RFX1: variants seen among roughly 807,000 people sequenced by gnomAD.
RFX1 encodes the protein regulatory factor X1, also known as MHC class II regulatory factor RFX1.
A neutral mutation model predicts 119.6 loss-of-function variants in RFX1; 42 were observed. That is an observed-to-expected ratio of 0.35 (90% confidence interval 0.27 to 0.45). RFX1 has a LOEUF of 0.45. Among genes scored for constraint, RFX1 ranks in the 20% least tolerant of loss-of-function variants. RFX1 has a pLI of 1.00. For synonymous variants in RFX1, 628 were observed against 618.5 expected, an observed-to-expected ratio of 1.02 and a Z score of -0.23; for missense variants, 1,118 against 1,368.1, an observed-to-expected ratio of 0.82 and a Z score of 2.88.
chr19:13,963,419 G>A (rs1973782529), intron 18 of RFX1, 119 bp downstream of exon 18: 11 of 1,428,164 alleles, frequency 7.7e-6, no homozygotes, highest in Admixed American at 2.1e-5. Flanking sequence ...CATGAGCCCA[G>A]GGCCCCAGCC....
Position 13,990,258 on chromosome 19 carries a change from A to G in RFX1, c.319+3267T>C, listed in dbSNP as rs1974755996. ...GAGATGGGGAGAAGCAGCAGAGAGG[A>G]CCACGGAGGGGCTGCGGGCGGTGGG... On this transcript the variant is annotated intron_variant, in intron 2 of 20. Coordinates refer to ENST00000254325, the MANE Select transcript of RFX1 (RefSeq NM_002918.5). The surrounding 1 kb of genome is among the most constrained non-coding windows in gnomAD (Gnocchi z 4.1). 6.6e-6 allele frequency among the ~76,000 whole-genome samples: 1 copy of G among 152,024 alleles called. No individual in the cohort carries two copies.
At chr19:13,978,617 G>A (rs1974329096) in intron 7 of RFX1, among the ~76,000 whole-genome samples, 1 of 152,320 alleles carries the variant, frequency 6.6e-6, no homozygotes, top group Non-Finnish European at 1.5e-5. Context: ...TGGGGAGTCA[G>A]AGGCGGGTCC....
At chr19:13,989,891 T>C (rs1599507875) in intron 2 of RFX1, among the ~76,000 whole-genome samples, 1 of 150,918 alleles carries the variant, frequency 6.6e-6, no homozygotes, top group Non-Finnish European at 1.5e-5. Context: ...GTTTAGGAGG[T>C]GGAGCCGAGA....
At chr19:14,005,370 G>C (rs926184973) in intron 1 of RFX1, among the ~76,000 whole-genome samples, 1 of 152,218 alleles carries the variant, frequency 6.6e-6, no homozygotes, top group Non-Finnish European at 1.5e-5. Flanking sequence ...GAAGGTGGCA[G>C]GTTTAGGAGT....
upstream of RFX1, chr19:14,006,655 T>G (rs967416699): frequency 6.6e-6 from 1 of 152,276 alleles, no homozygotes; most frequent in Non-Finnish European, 1.5e-5. Context: ...ACCAAAGGTT[T>G]GCCGCGCTCT....
At chr19:14,003,372 A>ACTGGATCCCTGGTATCCAGCTTC (rs369032598) in intron 1 of RFX1, among the ~76,000 whole-genome samples, 24,258 of 150,626 alleles carry the variant, frequency 0.16, 3,461 homozygotes, top group African/African-American at 0.38. Context: ...CCCACTACAA[A>ACTGGATCCCTGGTATCCAGCTTC]CTGGATCCCT....
intron 3 of RFX1, 89 bp downstream of exon 3, chr19:13,983,397 C>T (rs968652686): frequency 7.3e-6 from 9 of 1,241,230 alleles, no homozygotes; most frequent in Middle Eastern, 2.0e-4. Flanking sequence ...CAGCAGGAAG[C>T]GGGGAGGGGA....
At chr19:13,984,238 G>A (rs1213373136) in intron 2 of RFX1, among the ~76,000 whole-genome samples, 4 of 32,492 alleles carry the variant, frequency 1.2e-4, no homozygotes, top group South Asian at 8.1e-4. Context: ...CCCCCACCCC[G>A]TCCGCCTGTC....
rs1973711754 is a variant in RFX1, at chr19:13,962,339, C to G, written c.*356G>C. ...AGCTGAATAAGTTAACAGTTTCGCA[C>G]GGGAGGGGGCCTGCCTGCCTGCCCC... is the stretch of plus-strand genomic sequence containing the variant. On this transcript the variant is annotated 3_prime_UTR_variant, in exon 21 of 21. Coordinates refer to ENST00000254325, the MANE Select transcript of RFX1 (RefSeq NM_002918.5). 1 of 297,440 alleles carries G rather than the reference C, an allele frequency of 3.4e-6. No individual in the cohort carries two copies. The highest frequency in any genetic ancestry group is 6.2e-6 in the Non-Finnish European group (1 of 162,352). The allele number at this position is 297,440 out of a possible 1,614,324, so 18.4% of individuals were successfully genotyped here. A position where few individuals can be genotyped will look rare whatever the true frequency, so the allele number is the denominator to read the frequency against.
chr19:13,988,184 G>T (rs143120379), intron 2 of RFX1, among the ~76,000 whole-genome samples: 117 of 152,172 alleles, frequency 7.7e-4, no homozygotes, highest in Non-Finnish European at 1.5e-3. Flanking sequence ...ACGCCAACAC[G>T]CCGGGCTAAT....
At chr19:13,995,535 C>G (rs530308729) in intron 1 of RFX1, among the ~76,000 whole-genome samples, 2 of 152,288 alleles carry the variant, frequency 1.3e-5, no homozygotes, top group African/African-American at 2.4e-5. Context: ...GAGAACCTGG[C>G]AGCTGCGGCT....
At chr19:13,997,646 T>C (rs1404895849) in intron 1 of RFX1, among the ~76,000 whole-genome samples, 1 of 152,238 alleles carries the variant, frequency 6.6e-6, no homozygotes, top group African/African-American at 2.4e-5. Flanking sequence ...CTCTTGGATG[T>C]GCCCTCTGGG....
chr19:13,985,107 C>T lies in RFX1; in HGVS notation c.320-1512G>A, dbSNP rs909031100. On this transcript the variant is annotated intron_variant, in intron 2 of 20. Coordinates refer to ENST00000254325, the MANE Select transcript of RFX1 (RefSeq NM_002918.5). This position sits in a 1 kb window ranked among gnomAD's most constrained non-coding sequence, Gnocchi z 4.3. ...GAACTCTTGGACTCAAGCAATCCAC[C>T]TGCTTCCATCTCCCGAAGTGCCGGA... 3.4e-4 allele frequency among the ~76,000 whole-genome samples: 52 copies of T among 152,214 alleles called. No homozygotes were observed. Among genetic ancestry groups the T allele is most frequent in the African/African-American group, 1.2e-3 (50 of 41,514 alleles).
At position 13,962,214 on chromosome 19, in the gene RFX1, C is replaced by G. The variant is rs1599467131; in HGVS notation, c.*481G>C. The G allele has an allele frequency of 1.9e-5, 3 of 160,010 alleles. 1 individual carries two copies. In the Admixed American group the frequency reaches 1.9e-4, roughly 10 times the overall value. The allele number at this position is 160,010 out of a possible 1,614,324, so 9.9% of individuals were successfully genotyped here. On this transcript the variant is annotated 3_prime_UTR_variant, in exon 21 of 21. Coordinates refer to ENST00000254325, the MANE Select transcript of RFX1 (RefSeq NM_002918.5). ...AGTGGGGTTGCTGGGGGTAGGGTGT[C>G]CCGGGGCTGCTGCTGACAGTGGGGA...
rs1382498013 is a variant in RFX1 at position 13,963,626 on chromosome 19, C to G, written c.2482G>C (p.Val828Leu). 9.4e-6 allele frequency: 15 copies of G among 1,601,918 alleles called. No individual in the cohort carries two copies. Among genetic ancestry groups the G allele is most frequent in the African/African-American group, 1.3e-5 (1 of 74,792 alleles). Residue 828 changes from valine (V) to leucine (L), a missense_variant, in exon 18 of 21, where the codon GTG becomes CTG. By Grantham distance (32) the Val-to-Leu change is conservative (BLOSUM62 1). Transcript: ENST00000254325. ...LEQWAAWLDG[V>L]VSQVLKPYQG... ...TAGGGCTTGAGCACCTGGCTCACCA[C>G]GCCGTCCAGCCAGGCCGCCCACTGC...
rs1974500396 is a variant in RFX1, at chr19:13,983,533, T to A, written c.382A>T (p.Thr128Ser). ...TGAACCACCTGAGTAGGAACGCCGG[T>A]CTGGCTGGCGGTGGAGCCGGGGCTG... ...EASPGSTASQ[T>S]GVPTQVVQQV... The change falls in exon 3 of 21, where the codon ACC (threonine) becomes TCC (serine). Residue 128 changes from threonine to serine, a missense_variant. Coordinates refer to ENST00000254325, the MANE Select transcript of RFX1 (RefSeq NM_002918.5). 28 of 1,611,778 alleles carry A rather than the reference T, an allele frequency of 1.7e-5. No individual in the cohort carries two copies. Among genetic ancestry groups the A allele is most frequent in the Non-Finnish European group, 2.4e-5 (28 of 1,179,618 alleles).
chr19:13,974,925 T>G (rs941364321), intron 8 of RFX1, among the ~76,000 whole-genome samples: 4 of 150,376 alleles, frequency 2.7e-5, no homozygotes, highest in African/African-American at 9.9e-5. Context: ...GCGCCTGTAG[T>G]CCCAGCTACT....
chr19:13,967,975 C>T (rs1416001784), intron 12 of RFX1, among the ~76,000 whole-genome samples: 1 of 151,740 alleles, frequency 6.6e-6, no homozygotes, highest in African/African-American at 2.4e-5. Flanking sequence ...TCATGTATGC[C>T]GGGCATGGTG....
intron 9 of RFX1, among the ~76,000 whole-genome samples, chr19:13,971,416 G>A (rs1436519707): frequency 2.0e-5 from 3 of 151,942 alleles, no homozygotes; most frequent in East Asian, 3.9e-4. Flanking sequence ...GACCACCAGC[G>A]CTGACCCACC....
Sources: allele counts gnomAD v4.1 joint callset (sites outside exome capture counted in the v4.1 genomes callset), GRCh38; gene constraint gnomAD v4.1.1; non-coding constraint Gnocchi (gnomAD v3.1); transcripts MANE v1.5; gene names NCBI Gene and HGNC (gene_info 2026-07-23, HGNC 2026-07-21).